Variants in TMEM272 observed in about 807,000 individuals in gnomAD.
The protein encoded by TMEM272 is transmembrane protein 272.
In TMEM272, 8 loss-of-function variants were observed where a neutral mutation model predicts 3.7. The ratio of observed to expected loss-of-function variants is 2.17; its 90% confidence interval spans 1.27 to 3.91. TMEM272 has a LOEUF of 3.91. Among genes scored for constraint, TMEM272 ranks in the 30% most tolerant of loss-of-function variants. The pLI is 0.00. For synonymous variants in TMEM272, 63 were observed against 39.8 expected (o/e 1.58, Z -2.20); for missense variants, 166 against 91.5 (o/e 1.81, Z -3.32).
intron 3 of TMEM272, among the ~76,000 whole-genome samples, chr13:51,825,749 C>T (rs1166916367): frequency 6.6e-6 from 1 of 151,724 alleles, no homozygotes; most frequent in Non-Finnish European, 1.5e-5. Flanking sequence ...GCACACGCAA[C>T]CACACCCAGC....
chr13:51,828,743 G>A (rs928995382), intron 2 of TMEM272, among the ~76,000 whole-genome samples: 8 of 152,316 alleles, frequency 5.3e-5, no homozygotes, highest in South Asian at 4.1e-4. Context: ...AGCAGAGGGA[G>A]CCTGTGAAAT....
the TMEM272 span, among the ~76,000 whole-genome samples, chr13:51,873,184 G>A: frequency 6.6e-6 from 1 of 152,226 alleles, no homozygotes; most frequent in Non-Finnish European, 1.5e-5. Flanking sequence ...GAGTTTGAGA[G>A]TGAATTAGTA....
At chr13:51,921,922 GTA>G in the TMEM272 span, among the ~76,000 whole-genome samples, 52 of 151,838 alleles carry the variant, frequency 3.4e-4, no homozygotes, top group Admixed American at 1.2e-3. Flanking sequence ...GTGTGTGTGT[GTA>G]TGTGTGTGTG....
At chr13:51,899,958 T>C in the TMEM272 span, among the ~76,000 whole-genome samples, 1 of 152,160 alleles carries the variant, frequency 6.6e-6, no homozygotes, top group Non-Finnish European at 1.5e-5. Context: ...TATAAAAGAA[T>C]GAAGTTGGAC....
chr13:51,887,953 T>A, the TMEM272 span, among the ~76,000 whole-genome samples: 1 of 152,224 alleles, frequency 6.6e-6, no homozygotes, highest in Non-Finnish European at 1.5e-5. Context: ...TTTCATTTCA[T>A]TAGCATCTTT....
the TMEM272 span, chr13:51,908,847 A>G: frequency 7.0e-7 from 1 of 1,436,526 alleles, no homozygotes; most frequent in Non-Finnish European, 9.8e-7. Context: ...CGGAGGTGAC[A>G]GGGGCCCAGT....
the TMEM272 span, among the ~76,000 whole-genome samples, chr13:51,931,270 T>C: frequency 4.8e-5 from 7 of 146,956 alleles, no homozygotes; most frequent in Admixed American, 1.4e-4. Context: ...TGGAATGCTA[T>C]GTAGCCATAA....
chr13:51,897,804 G>A, the TMEM272 span, among the ~76,000 whole-genome samples: 1 of 150,560 alleles, frequency 6.6e-6, no homozygotes, highest in Non-Finnish European at 1.5e-5. Context: ...GTGCGTGCCT[G>A]TAATCCCAGC....
At chr13:51,875,830 A>C in the TMEM272 span, among the ~76,000 whole-genome samples, 33 of 152,178 alleles carry the variant, frequency 2.2e-4, 1 homozygote, top group Admixed American at 1.2e-3. Flanking sequence ...GAAGGCCTCC[A>C]GGTATGAGAC....
At chr13:51,853,944 T>A in the TMEM272 span, among the ~76,000 whole-genome samples, 4 of 152,246 alleles carry the variant, frequency 2.6e-5, no homozygotes, top group African/African-American at 9.6e-5. Flanking sequence ...CTTTTTACAA[T>A]GAACATGCAT....
chr13:51,854,284 T>C, the TMEM272 span, among the ~76,000 whole-genome samples: 1 of 152,210 alleles, frequency 6.6e-6, no homozygotes, highest in Non-Finnish European at 1.5e-5. Flanking sequence ...TGTGAATCAC[T>C]GAGGATCCCA....
the TMEM272 span, among the ~76,000 whole-genome samples, chr13:51,887,631 A>T: frequency 5.2e-3 from 796 of 152,292 alleles, 7 homozygotes; most frequent in African/African-American, 0.018. Flanking sequence ...CCAGTAATGC[A>T]TATCCTTATG....
chr13:51,905,836 G>C, the TMEM272 span, among the ~76,000 whole-genome samples: 4 of 152,362 alleles, frequency 2.6e-5, no homozygotes, highest in East Asian at 5.8e-4. Context: ...CTATGATGGA[G>C]AGCAACTCAG....
At chr13:51,863,367 CCT>C in the TMEM272 span, among the ~76,000 whole-genome samples, 1 of 152,094 alleles carries the variant, frequency 6.6e-6, no homozygotes, top group African/African-American at 2.4e-5. Context: ...CTAGAAAACA[CCT>C]GTAGGGCTAC....
At chr13:51,906,746 A>G in the TMEM272 span, among the ~76,000 whole-genome samples, 5 of 152,220 alleles carry the variant, frequency 3.3e-5, no homozygotes, top group Admixed American at 2.6e-4. Context: ...GCCCTAGGGC[A>G]GTTTCAGAGA....
At chr13:51,823,135 A>C (rs933271360) in intron 3 of TMEM272, among the ~76,000 whole-genome samples, 2 of 152,174 alleles carry the variant, frequency 1.3e-5, no homozygotes, top group African/African-American at 4.8e-5. Flanking sequence ...GTGCAGTAGC[A>C]TGATTCAGTC....
At chr13:51,819,040 G>A (rs59482580) in intron 4 of TMEM272, among the ~76,000 whole-genome samples, 1 of 152,292 alleles carries the variant, frequency 6.6e-6, no homozygotes, top group African/African-American at 2.4e-5. Flanking sequence ...CTTGCAGCCC[G>A]GCTGGGAGGC....
the TMEM272 span, among the ~76,000 whole-genome samples, chr13:51,851,584 G>T: frequency 6.9e-6 from 1 of 144,884 alleles, no homozygotes; most frequent in African/African-American, 2.6e-5. Flanking sequence ...GAGTGCAGTG[G>T]CATGTCCTCG....
the TMEM272 span, among the ~76,000 whole-genome samples, chr13:51,917,414 T>C: frequency 6.6e-6 from 1 of 151,966 alleles, no homozygotes; most frequent in South Asian, 2.1e-4. Context: ...CCAGAGGAAA[T>C]AATATAATTC....
Sources: gnomAD v4.1 joint callset for allele counts (sites outside exome capture counted in the v4.1 genomes callset) on GRCh38, gnomAD v4.1.1 for gene constraint, MANE v1.5 for transcripts, NCBI Gene and HGNC (gene_info 2026-07-23, HGNC 2026-07-21) for gene names.